Variants in PPME1 observed in about 807,000 individuals in gnomAD.
The protein encoded by PPME1 is testicular secretory protein Li 39.
Under a neutral mutation model 56.9 loss-of-function variants are expected in PPME1, and 17 were observed. The observed-to-expected ratio is 0.30, with a 90% CI of 0.20 to 0.45. PPME1 has a LOEUF of 0.45. PPME1 is among the 20% of genes least tolerant of loss of function. PPME1 has a pLI of 1.00. For synonymous variants in PPME1, 122 were observed against 156.2 expected, an observed-to-expected ratio of 0.78 and a Z score of 1.63; for missense variants, 357 against 483.2, an observed-to-expected ratio of 0.74 and a Z score of 2.45.
chr11:74,253,433 G>C, intron 13 of PPME1, 59 bp from the exon 14 acceptor site: 1 of 1,538,476 alleles, frequency 6.5e-7, no homozygotes, highest in Non-Finnish European at 9.0e-7. Context: ...ATACAGATAA[G>C]CAAGGGAAAG....
intron 9 of PPME1, among the ~76,000 whole-genome samples, chr11:74,244,457 C>T (rs1859456354): frequency 6.6e-6 from 1 of 152,140 alleles, no homozygotes; most frequent in African/African-American, 2.4e-5. Context: ...AGTAGTCATC[C>T]TAATGGGGGT....
Position 74,226,428 on chromosome 11 carries a change from C to T in PPME1, c.398+1172C>T, listed in dbSNP as rs964707568. Among the ~76,000 whole-genome samples the T allele has an allele frequency of 4.6e-5, 7 of 152,272 alleles. No homozygotes were observed. In the East Asian group the frequency reaches 1.4e-3, roughly 29 times the overall value. On this transcript the variant is annotated intron_variant, in intron 5 of 13. Transcript: ENST00000328257. ...TGTGTATAGTATGAATGTCATTCCA[C>T]TCAATGAACATATGCCTTAAAAAGT...
chr11:74,211,347 C>CA (rs371455736), intron 3 of PPME1, among the ~76,000 whole-genome samples: 23 of 147,520 alleles, frequency 1.6e-4, no homozygotes, highest in Non-Finnish European at 2.3e-4. Flanking sequence ...TGAAAAAGAG[C>CA]AAAAAAAAAG....
chr11:74,171,381 C>T lies in PPME1; in HGVS notation c.-41C>T. ...GGGCCACACTCAACGTGGGACGAAGCTTCGCCTACTGTTTGACTACGTGCG... is the reference window on the plus strand; with the variant it reads ...GGGCCACACTCAACGTGGGACGAAGTTTCGCCTACTGTTTGACTACGTGCG... On this transcript the variant is annotated 5_prime_UTR_variant, in exon 1 of 14. Coordinates refer to ENST00000328257, the MANE Select transcript of PPME1 (RefSeq NM_016147.3). 4 of 1,579,792 alleles carry T rather than the reference C, an allele frequency of 2.5e-6. No homozygotes were observed. The South Asian group carries it at 4.6e-5, about 18-fold the overall frequency.
chr11:74,252,239 GT>G (rs974162487), intron 13 of PPME1, among the ~76,000 whole-genome samples: 6 of 112,330 alleles, frequency 5.3e-5, no homozygotes, highest in Admixed American at 1.8e-4. Flanking sequence ...GGCTAATTTT[GT>G]TTTTTTTTTT....
chr11:74,204,502 A>G (rs1250766670), intron 3 of PPME1, 57 bp downstream of exon 3: 1 of 1,411,128 alleles, frequency 7.1e-7, no homozygotes. Context: ...TAATGAAAGT[A>G]TAGGGACAAA....
chr11:74,222,929 T>A (rs1293032638), intron 4 of PPME1, among the ~76,000 whole-genome samples: 1 of 149,992 alleles, frequency 6.7e-6, no homozygotes, highest in Non-Finnish European at 1.5e-5. Flanking sequence ...TAAAGTCAAA[T>A]TCTTTTTTTT....
At position 74,171,453 on chromosome 11, in the gene PPME1, G is replaced by C. The variant is rs1483330250; in HGVS notation, c.32G>C (p.Gly11Ala). The C allele has an allele frequency of 1.2e-6, 2 of 1,613,140 alleles. No individual in the cohort carries two copies. The highest frequency in any genetic ancestry group is 2.2e-5 in the East Asian group (1 of 44,870). ...GCCCTCGAAAAGAGCATGCACCTCG[G>C]CCGCCTTCCCTCTCGCCCACCTCTA... is the stretch of plus-strand genomic sequence containing the variant. MSALEKSMHL[G>A]RLPSRPPLPG... Residue 11 changes from glycine (G) to alanine (A), a missense_variant, in exon 1 of 14, where the codon GGC (glycine) becomes GCC (alanine). This residue lies in a region of PPME1 where 175 missense variants were observed against 189.4 expected (regional missense o/e 0.92). Transcript: ENST00000328257.
At chr11:74,196,501 T>C (rs1355210477) in intron 1 of PPME1, among the ~76,000 whole-genome samples, 1 of 152,216 alleles carries the variant, frequency 6.6e-6, no homozygotes. Context: ...ATATCCCCCA[T>C]TGAATTTATC....
At chr11:74,183,166 A>C (rs1386541325) in intron 1 of PPME1, among the ~76,000 whole-genome samples, 1 of 151,444 alleles carries the variant, frequency 6.6e-6, no homozygotes, top group Admixed American at 6.6e-5. Flanking sequence ...GCATGGTAGC[A>C]TGTCCCTATA....
intron 8 of PPME1, chr11:74,238,093 T>C (rs919828526): frequency 2.6e-5 from 4 of 152,148 alleles, no homozygotes; most frequent in African/African-American, 9.7e-5. Context: ...CTGCCCCTTA[T>C]AATCCAGGTG....
intron 1 of PPME1, among the ~76,000 whole-genome samples, chr11:74,194,616 T>C (rs914825760): frequency 1.3e-5 from 2 of 151,660 alleles, no homozygotes; most frequent in African/African-American, 4.8e-5. Flanking sequence ...ATAACATCTA[T>C]TTATATAATA....
rs568834700 is a variant in PPME1, at chr11:74,196,690, G to A, written c.102-7038G>A. Among the ~76,000 whole-genome samples, 832 of 152,250 alleles carry A rather than the reference G, an allele frequency of 5.5e-3. 7 individuals are homozygous for A. The highest frequency in any genetic ancestry group is 0.011 in the South Asian group (53 of 4,814). On this transcript the variant is annotated intron_variant, in intron 1 of 13. Transcript: ENST00000328257. ...AGCTACTCCATAGACAGAGTAGGACGTTCCCGAAAGTAAGAGGAGGAACAT... is the reference window on the plus strand; with the variant it reads ...AGCTACTCCATAGACAGAGTAGGACATTCCCGAAAGTAAGAGGAGGAACAT...
chr11:74,249,274 T>A (rs1419163260), intron 11 of PPME1: 2 of 152,216 alleles, frequency 1.3e-5, no homozygotes, highest in Non-Finnish European at 2.9e-5. Context: ...TCAAACCAAC[T>A]GACTTAGTTA....
In PPME1 at chr11:74,246,396, T is replaced by C. The variant is rs193021255; in HGVS notation, c.964+191T>C. On this transcript the variant is annotated intron_variant, in intron 10 of 13. Coordinates refer to ENST00000328257, the MANE Select transcript of PPME1 (RefSeq NM_016147.3). The stretch of plus-strand genomic sequence containing the variant: ...CTTGCCTTCTCTCTGTGCCCTCACA[T>C]GGCCGAGAAAGAGTGAATGTGAGCT... 5.1e-3 allele frequency among the ~76,000 whole-genome samples: 775 copies of C among 152,310 alleles called. 5 individuals are homozygous for C. The highest frequency in any genetic ancestry group is 0.018 in the African/African-American group (742 of 41,554).
At chr11:74,225,313 T>TGATGGG in intron 5 of PPME1, 57 bp downstream of exon 5, 1 of 1,224,206 alleles carries the variant, frequency 8.2e-7, no homozygotes, top group Non-Finnish European at 1.1e-6. Context: ...TTATAAATAG[T>TGATGGG]ACTATAACTT....
At chr11:74,233,173 C>A (rs181623437) in intron 7 of PPME1, among the ~76,000 whole-genome samples, 113 of 152,054 alleles carry the variant, frequency 7.4e-4, no homozygotes, top group African/African-American at 2.6e-3. Context: ...TGAAGGAAGC[C>A]AGGGGATATA....
chr11:74,208,988 A>G (rs890705250), intron 3 of PPME1, among the ~76,000 whole-genome samples: 3 of 152,176 alleles, frequency 2.0e-5, no homozygotes, highest in African/African-American at 7.2e-5. Context: ...GAGCAGGGAA[A>G]GAAGTGACTA....
chr11:74,236,641 G>T (rs558018512), intron 8 of PPME1, among the ~76,000 whole-genome samples: 3 of 152,144 alleles, frequency 2.0e-5, no homozygotes, highest in Non-Finnish European at 4.4e-5. Flanking sequence ...TATAAAAGAA[G>T]AGTGATACAG....
Sources: gnomAD v4.1 joint callset for allele counts (sites outside exome capture counted in the v4.1 genomes callset) on GRCh38, gnomAD v4.1.1 for gene constraint, gnomAD v4.1.1 regional missense constraint, MANE v1.5 for transcripts, NCBI Gene and HGNC (gene_info 2026-07-23, HGNC 2026-07-21) for gene names.